Variants in PPRC1 observed in about 807,000 individuals in gnomAD.
PPRC1 encodes the protein peroxisome proliferator-activated receptor gamma coactivator-related protein 1.
A neutral mutation model predicts 132.5 loss-of-function variants in PPRC1; 23 were observed. The observed-to-expected ratio is 0.17, with a 90% CI of 0.12 to 0.25. The LOEUF (loss-of-function observed/expected upper bound fraction) is 0.25. PPRC1 is among the 10% of genes least tolerant of loss of function. The pLI is 1.00. For missense variants in PPRC1, 2,006 were observed against 2,089.1 expected (o/e 0.96, Z 0.78); for synonymous variants, 872 against 833.5 (o/e 1.05, Z -0.80).
intron 5 of PPRC1, among the ~76,000 whole-genome samples, chr10:102,142,283 A>G (rs1349860400): frequency 8.6e-5 from 11 of 128,160 alleles, no homozygotes; most frequent in Admixed American, 8.2e-4. Context: ...TTCTATTTTT[A>G]GTAGAGACGA....
At position 102,146,905 on chromosome 10, in the gene PPRC1, C is replaced by T. The variant is rs546210957; in HGVS notation, c.3913C>T (p.Pro1305Ser). ...DHDYCVRSRT[P>S]PKKMPALVIP... ...TGACTATTGTGTCCGGAGCAGGACC[C>T]CCCCAAAAAAGATGCCTGCCCTAGT... Residue 1305 changes from proline (P) to serine (S), a missense_variant, in exon 9 of 14, where the codon CCC becomes TCC. By Grantham distance (74) the Pro-to-Ser change is moderately conservative. This residue lies in a region of PPRC1 where 1,914 missense variants were observed against 1,917.2 expected (regional missense o/e 1.00). Transcript: ENST00000278070. 57 of 1,613,984 alleles carry T rather than the reference C, an allele frequency of 3.5e-5. No individual in the cohort carries two copies. The South Asian group carries it at 5.6e-4, about 16-fold the overall frequency.
rs773514125 is a variant in PPRC1, at chr10:102,141,474, A to G, written c.2966A>G (p.Gln989Arg). The change falls in exon 5 of 14, where the codon CAA becomes CGA. Residue 989 changes from glutamine (Q) to arginine (R), a missense_variant. By Grantham distance (43) the Gln-to-Arg change is conservative. Coordinates refer to ENST00000278070, the MANE Select transcript of PPRC1 (RefSeq NM_015062.5). ...CCCTTGGGATGGGGCCCAGGGCCTCAACATGCTCCATTCTGGTCTACTGTT... is the reference window on the plus strand; with the variant it reads ...CCCTTGGGATGGGGCCCAGGGCCTCGACATGCTCCATTCTGGTCTACTGTT... ...YGPLGWGPGP[Q>R]HAPFWSTVPP... The G allele has an allele frequency of 3.1e-6, 5 of 1,613,814 alleles. No homozygotes were observed. In the South Asian group the frequency reaches 5.5e-5, roughly 18 times the overall value.
intron 7 of PPRC1, 177 bp downstream of exon 7, chr10:102,144,484 G>A (rs1045960841): frequency 6.2e-6 from 4 of 640,848 alleles, no homozygotes; most frequent in African/African-American, 1.8e-5. Context: ...CTTGGGTGGT[G>A]AGGTGAGAAC....
At chr10:102,127,020 C>CATATATAT in the PPRC1 span, among the ~76,000 whole-genome samples, 8 of 87,938 alleles carry the variant, frequency 9.1e-5, no homozygotes, top group South Asian at 6.5e-4. Flanking sequence ...GGTTTTTTAT[C>CATATATAT]ATATATATAT....
chr10:102,144,255 A>C lies in PPRC1; in HGVS notation c.3556A>C (p.Lys1186Gln), dbSNP rs2069122212. 2 of 1,614,098 alleles carry C rather than the reference A, an allele frequency of 1.2e-6. No homozygotes were observed. The highest frequency in any genetic ancestry group is 1.7e-6 in the Non-Finnish European group (2 of 1,180,040). The change falls in exon 7 of 14, where the codon AAG becomes CAG. Residue 1186 changes from lysine to glutamine, a missense_variant. Physicochemically the swap from Lys to Gln is moderately conservative, Grantham distance 53. Coordinates refer to ENST00000278070, the MANE Select transcript of PPRC1 (RefSeq NM_015062.5). The part of the protein sequence containing the change: ...LEQFEKSEAK[K>Q]ECPPPAPADS... ...CTAGTATGGTTTCTTTGCAGCCAAA[A>C]AGGAGTGTCCTCCTCCGGCTCCTGC...
the PPRC1 span, among the ~76,000 whole-genome samples, chr10:102,124,581 T>C: frequency 2.0e-5 from 3 of 152,098 alleles, no homozygotes; most frequent in East Asian, 1.9e-4. Context: ...CTCCAAGTGA[T>C]TCACCCGCCT....
chr10:102,147,849 C>G (rs2069332636), intron 9 of PPRC1, among the ~76,000 whole-genome samples: 1 of 152,020 alleles, frequency 6.6e-6, no homozygotes, highest in African/African-American at 2.4e-5. Context: ...ATCTTTTTTT[C>G]TCAGTAACCA....
the PPRC1 span, among the ~76,000 whole-genome samples, chr10:102,126,142 A>G: frequency 7.9e-5 from 12 of 152,090 alleles, no homozygotes; most frequent in African/African-American, 2.9e-4. Context: ...GATTACAGGC[A>G]TGAGCCACCG....
At chr10:102,132,976 C>T, upstream of PPRC1, 1 of 1,229,940 alleles carries the variant, frequency 8.1e-7, no homozygotes, top group Non-Finnish European at 1.0e-6. Context: ...CGTAGTCTTG[C>T]AGTGTCATTC....
At chr10:102,134,107 A>G (rs534584460) in intron 1 of PPRC1, among the ~76,000 whole-genome samples, 5 of 152,136 alleles carry the variant, frequency 3.3e-5, no homozygotes, top group Admixed American at 1.3e-4. Context: ...GTTGCCTTGC[A>G]GTCTTGCCTT....
In PPRC1 at chr10:102,145,601, A is replaced by G. The variant is rs1321037917; in HGVS notation, c.3679+511A>G. ...AAAAAAATGTCGGGCGCGGTGGCCC[A>G]CGCCTGTAATCCCAGCACTTGGGGA... is the stretch of plus-strand genomic sequence containing the variant. On this transcript the variant is annotated intron_variant, in intron 8 of 13. Transcript: ENST00000278070. Among the ~76,000 whole-genome samples, 22 of 148,672 alleles carry G rather than the reference A, an allele frequency of 1.5e-4. No individual in the cohort carries two copies. The East Asian group carries it at 4.2e-3, about 28-fold the overall frequency.
rs1464171585 is a variant in PPRC1, at chr10:102,145,234, CT to C, written c.3679+146del. On this transcript the variant is annotated intron_variant, in intron 8 of 13. Coordinates refer to ENST00000278070, the MANE Select transcript of PPRC1 (RefSeq NM_015062.5). ...AGATACTCACAGTCTAGGGGGCAGA[CT>C]TGTAAACGAATGAGCATGTTGAGTA... 7 of 770,210 alleles carry C rather than the reference CT, an allele frequency of 9.1e-6. No homozygotes were observed. In the African/African-American group the frequency reaches 1.2e-4, roughly 14 times the overall value. 47.7% of individuals were successfully genotyped at this position (770,210 alleles called of 1,614,324 possible). A position where few individuals can be genotyped will look rare whatever the true frequency, so the allele number is the denominator to read the frequency against.
At chr10:102,127,553 A>G in the PPRC1 span, among the ~76,000 whole-genome samples, 1 of 150,920 alleles carries the variant, frequency 6.6e-6, no homozygotes, top group Non-Finnish European at 1.5e-5. Flanking sequence ...ATTACAGGCA[A>G]GTGCTACCAC....
At chr10:102,133,546 C>A (rs1240140701) in intron 1 of PPRC1, among the ~76,000 whole-genome samples, 1 of 152,158 alleles carries the variant, frequency 6.6e-6, no homozygotes, top group Admixed American at 6.5e-5. Flanking sequence ...CCGAGCCCGG[C>A]GCCGCAGTTC....
chr10:102,143,116 G>A lies in PPRC1; in HGVS notation c.3550+18G>A. On this transcript the variant is annotated intron_variant, in intron 6 of 13. Coordinates refer to ENST00000278070, the MANE Select transcript of PPRC1 (RefSeq NM_015062.5). ...ATCAGAAGGTGAGGGAACATGGGTA[G>A]TTTTGCTCCAACTCTTTTTTTGGTG... The A allele has an allele frequency of 6.2e-7, 1 of 1,608,202 alleles. No individual in the cohort carries two copies. The highest frequency in any genetic ancestry group is 8.5e-7 in the Non-Finnish European group (1 of 1,174,746).
chr10:102,150,012 A>G lies in PPRC1; in HGVS notation c.4978A>G (p.Lys1660Glu), dbSNP rs1564962068. Residue 1660 changes from lysine to glutamate, a missense_variant, in exon 14 of 14, where the codon AAG becomes GAG. By Grantham distance (56) the Lys-to-Glu change is moderately conservative. Coordinates refer to ENST00000278070, the MANE Select transcript of PPRC1 (RefSeq NM_015062.5). ...TGACACATTGTTGAAACAGGCCCAG[A>G]AGAACCTCAGGAGGTAACCTTGGGC... ...DFDTLLKQAQ[K>E]NLRR The G allele has an allele frequency of 6.2e-7, 1 of 1,612,570 alleles. No individual in the cohort carries two copies. Among genetic ancestry groups the G allele is most frequent in the Admixed American group, 1.7e-5 (1 of 60,006 alleles).
chr10:102,136,973 G>A (rs1031019725), intron 1 of PPRC1, among the ~76,000 whole-genome samples: 2 of 152,200 alleles, frequency 1.3e-5, no homozygotes, highest in African/African-American at 4.8e-5. Flanking sequence ...GCTCTCATCT[G>A]GTAGGAGTGG....
chr10:102,147,689 A>G (rs2133721713), intron 9 of PPRC1, among the ~76,000 whole-genome samples: 1 of 152,210 alleles, frequency 6.6e-6, no homozygotes, highest in East Asian at 1.9e-4. Context: ...CACATACTGT[A>G]TCAGCCTTCA....
Position 102,148,449 on chromosome 10 carries a change from C to T in PPRC1, c.4478C>T (p.Ser1493Leu), listed in dbSNP as rs773042344. 37 of 1,611,258 alleles carry T rather than the reference C, an allele frequency of 2.3e-5. No individual in the cohort carries two copies. Among genetic ancestry groups the T allele is most frequent in the Non-Finnish European group, 3.1e-5 (37 of 1,177,484 alleles). The change falls in exon 10 of 14, where the codon TCA (serine) becomes TTA (leucine). Residue 1493 changes from serine (S) to leucine (L), a missense_variant. Ser to Leu is a moderately radical substitution (Grantham distance 145). Coordinates refer to ENST00000278070, the MANE Select transcript of PPRC1 (RefSeq NM_015062.5). The surrounding 1 kb of genome is among the most constrained non-coding windows in gnomAD (Gnocchi z 4.2). ...SSSSSSSSSS[S>L]SSSSSSRSRS... is the part of the protein sequence containing the mutation. ...TCATCATCTTCCTCTTCGTCTTCCTCATCCTCATCATCCAGTTCTCGAAGC... is the reference window on the plus strand; with the variant it reads ...TCATCATCTTCCTCTTCGTCTTCCTTATCCTCATCATCCAGTTCTCGAAGC...
Sources: allele counts gnomAD v4.1 joint callset (sites outside exome capture counted in the v4.1 genomes callset), GRCh38; gene constraint gnomAD v4.1.1; regional missense constraint gnomAD v4.1.1; non-coding constraint Gnocchi (gnomAD v3.1); transcripts MANE v1.5; gene names NCBI Gene and HGNC (gene_info 2026-07-23, HGNC 2026-07-21).